TRAM2: variants seen among roughly 807,000 people sequenced by gnomAD.
The protein encoded by TRAM2 is translocation associated membrane protein 2.
Under a neutral mutation model 51.0 loss-of-function variants are expected in TRAM2, and 12 were observed. That is an observed-to-expected ratio of 0.24 (90% CI 0.15 to 0.38). The LOEUF is 0.38. Ranked by LOEUF, TRAM2 falls within the 10% of genes least tolerant of loss-of-function variation. TRAM2 has a pLI of 1.00. For missense variants in TRAM2, 361 were observed against 462.0 expected (o/e 0.78, Z 2.00); for synonymous variants, 175 against 179.4 (o/e 0.98, Z 0.20).
intron 1 of TRAM2, among the ~76,000 whole-genome samples, chr6:52,562,344 C>T (rs1360085425): frequency 2.0e-5 from 3 of 152,072 alleles, no homozygotes; most frequent in Non-Finnish European, 4.4e-5. Context: ...AAGTGGGCTG[C>T]AGTTTGAGGA....
At chr6:52,531,871 G>A (rs1766898516) in intron 2 of TRAM2, among the ~76,000 whole-genome samples, 1 of 152,114 alleles carries the variant, frequency 6.6e-6, no homozygotes, top group Non-Finnish European at 1.5e-5. Flanking sequence ...AATAAATGAT[G>A]TTTCATGACA....
Position 52,577,023 on chromosome 6 carries a change from T to TCCCACAGCCGCTCG in TRAM2, c.-122_-109dup. 8.0e-7 allele frequency: 1 copy of TCCCACAGCCGCTCG among 1,242,796 alleles called. No homozygotes were observed. The highest frequency in any genetic ancestry group is 1.0e-6 in the Non-Finnish European group (1 of 985,346). 77.0% of individuals were successfully genotyped at this position (1,242,796 alleles called of 1,614,324 possible). A position where few individuals can be genotyped will look rare whatever the true frequency, so the allele number is the denominator to read the frequency against. Reference sequence around the variant, plus strand: ...CCGCCCGCCGGCCCGCCGCCCGCTCTCCCACAGCCGCTCGCCCGCCCAGCG... The same window carrying TCCCACAGCCGCTCG: ...CCGCCCGCCGGCCCGCCGCCCGCTCTCCCACAGCCGCTCGCCCACAGCCGCTCGCCCGCCCAGCG... On this transcript the variant is annotated 5_prime_UTR_variant, in exon 1 of 11. Transcript: ENST00000182527.
At chr6:52,537,270 C>T (rs576676366) in intron 1 of TRAM2, among the ~76,000 whole-genome samples, 4 of 152,194 alleles carry the variant, frequency 2.6e-5, no homozygotes, top group Admixed American at 6.5e-5. Flanking sequence ...AAGCCCTATC[C>T]GAATATACAG....
At chr6:52,521,905 T>TCTCTGGC (rs1947639146) in intron 2 of TRAM2, among the ~76,000 whole-genome samples, 5 of 152,262 alleles carry the variant, frequency 3.3e-5, no homozygotes, top group African/African-American at 1.2e-4. Context: ...GTCCAGCACA[T>TCTCTGGC]CTCTGGCCTA....
chr6:52,525,897 G>A (rs1283450661), intron 2 of TRAM2, among the ~76,000 whole-genome samples: 1 of 152,080 alleles, frequency 6.6e-6, no homozygotes, highest in East Asian at 1.9e-4. Flanking sequence ...TTCTAAAAAG[G>A]GAGAAATTTA....
intron 2 of TRAM2, among the ~76,000 whole-genome samples, chr6:52,520,306 A>C (rs932654169): frequency 6.6e-6 from 1 of 152,210 alleles, no homozygotes; most frequent in Non-Finnish European, 1.5e-5. Flanking sequence ...CTGTACCCTA[A>C]AGGAATGAGA....
At chr6:52,507,270 G>A (rs1418696771) in intron 7 of TRAM2, among the ~76,000 whole-genome samples, 1 of 152,222 alleles carries the variant, frequency 6.6e-6, no homozygotes, top group Non-Finnish European at 1.5e-5. Flanking sequence ...GGCTGTCTCT[G>A]TTGAGGGTCT....
At chr6:52,553,588 C>G (rs978566494) in intron 1 of TRAM2, among the ~76,000 whole-genome samples, 2 of 152,340 alleles carry the variant, frequency 1.3e-5, no homozygotes, top group Non-Finnish European at 2.9e-5. Flanking sequence ...CATCACTCCT[C>G]TTGGCTGCTT....
At chr6:52,550,587 C>T (rs943218284) in intron 1 of TRAM2, among the ~76,000 whole-genome samples, 1 of 152,018 alleles carries the variant, frequency 6.6e-6, no homozygotes, top group Non-Finnish European at 1.5e-5. Flanking sequence ...GTTTCACTCC[C>T]GTCATCCAGA....
At chr6:52,531,120 C>A (rs199506783) in intron 2 of TRAM2, among the ~76,000 whole-genome samples, 860 of 95,934 alleles carry the variant, frequency 9.0e-3, no homozygotes, top group Middle Eastern at 0.014. Context: ...CCTGGTTATG[C>A]AAAAAAAAAA....
At position 52,576,012 on chromosome 6, in the gene TRAM2, T is replaced by C. The variant is rs145498707; in HGVS notation, c.120+784A>G. On this transcript the variant is annotated intron_variant, in intron 1 of 10. Coordinates refer to ENST00000182527, the MANE Select transcript of TRAM2 (RefSeq NM_012288.4). Reference sequence around the variant, plus strand: ...GGAGGCCGACACCAGGACATTGCTGTTGGGGGTGGGATCCCCATCCTCTGC... The same window carrying C: ...GGAGGCCGACACCAGGACATTGCTGCTGGGGGTGGGATCCCCATCCTCTGC... 1.7e-3 allele frequency among the ~76,000 whole-genome samples: 259 copies of C among 152,260 alleles called. 1 individual carries two copies. Among genetic ancestry groups the C allele is most frequent in the Middle Eastern group, 6.8e-3 (2 of 294 alleles).
In TRAM2 at chr6:52,576,969, A is replaced by G; in HGVS notation, c.-54T>C. 1.3e-6 allele frequency: 2 copies of G among 1,536,320 alleles called. No homozygotes were observed. The highest frequency in any genetic ancestry group is 1.7e-6 in the Non-Finnish European group (2 of 1,144,240). On this transcript the variant is annotated 5_prime_UTR_variant, in exon 1 of 11. Coordinates refer to ENST00000182527, the MANE Select transcript of TRAM2 (RefSeq NM_012288.4). ...CCCGCACCCTGCGCTCACGAACCGC[A>G]GCGCAAACTTCTCCAGCACCGGCCC...
intron 2 of TRAM2, among the ~76,000 whole-genome samples, chr6:52,521,654 G>A (rs907031384): frequency 4.0e-5 from 6 of 151,500 alleles, no homozygotes; most frequent in Admixed American, 2.0e-4. Flanking sequence ...CCGAGATTGC[G>A]CCACTGCACT....
rs752460433 is a variant in TRAM2, at chr6:52,505,734, G to A, written c.740C>T (p.Ala247Val). The part of the protein sequence containing the change: ...ADENNEKLFS[A>V]WAAVFGVTRL... Reference sequence around the variant, plus strand: ...GGTAACCCCAAAAACAGCAGCCCAGGCACTGAACCTGCTCACAGAGGCAGA... The same window carrying A: ...GGTAACCCCAAAAACAGCAGCCCAGACACTGAACCTGCTCACAGAGGCAGA... The change falls in exon 9 of 11, where the codon GCC (alanine) becomes GTC (valine). Residue 247 changes from alanine to valine, a missense_variant. Transcript: ENST00000182527. The A allele has an allele frequency of 6.2e-7, 1 of 1,608,180 alleles. No individual in the cohort carries two copies. Among genetic ancestry groups the A allele is most frequent in the Non-Finnish European group, 8.5e-7 (1 of 1,176,944 alleles).
Position 52,503,002 on chromosome 6 carries a change from A to G in TRAM2, c.*195T>C. The G allele has an allele frequency of 3.2e-6, 2 of 619,030 alleles. No individual in the cohort carries two copies. Among genetic ancestry groups the G allele is most frequent in the Non-Finnish European group, 5.7e-6 (2 of 348,870 alleles). The allele number at this position is 619,030 out of a possible 1,614,324, so 38.3% of individuals were successfully genotyped here. ...AAGAGAAAGATTTTTGGCTTTATTG[A>G]GAATGGTTTGTGGAAGAATAAGAGG... On this transcript the variant is annotated 3_prime_UTR_variant, in exon 11 of 11. Transcript: ENST00000182527.
chr6:52,503,935 T>G (rs765298888), intron 10 of TRAM2, among the ~76,000 whole-genome samples: 6 of 152,080 alleles, frequency 3.9e-5, no homozygotes, highest in Non-Finnish European at 8.8e-5. Flanking sequence ...CAAACACACA[T>G]AAGCCTTTGC....
intron 1 of TRAM2, among the ~76,000 whole-genome samples, chr6:52,555,028 C>T (rs1270718005): frequency 6.6e-6 from 1 of 152,184 alleles, no homozygotes. Flanking sequence ...TCTAGTCAAT[C>T]CTGACTTGAG....
At chr6:52,515,031 A>G (rs1256828532) in intron 4 of TRAM2, among the ~76,000 whole-genome samples, 3 of 152,244 alleles carry the variant, frequency 2.0e-5, no homozygotes, top group African/African-American at 7.2e-5. Flanking sequence ...ACAAAAGGAC[A>G]CGTTGACTCT....
intron 2 of TRAM2, among the ~76,000 whole-genome samples, chr6:52,527,950 GCCAA>G (rs1350860903): frequency 5.3e-5 from 8 of 152,232 alleles, no homozygotes; most frequent in Non-Finnish European, 1.2e-4. Context: ...TTTTCAGATG[GCCAA>G]CCAATAAGGC....
Sources: allele counts gnomAD v4.1 joint callset (sites outside exome capture counted in the v4.1 genomes callset), GRCh38; gene constraint gnomAD v4.1.1; transcripts MANE v1.5; gene names NCBI Gene and HGNC (gene_info 2026-07-23, HGNC 2026-07-21).